GNB4: variants seen among roughly 807,000 people sequenced by gnomAD.
GNB4 encodes guanine nucleotide-binding protein subunit beta-4.
Under a neutral mutation model 45.2 loss-of-function variants are expected in GNB4, and 28 were observed. The ratio of observed to expected loss-of-function variants is 0.62; its 90% confidence interval spans 0.46 to 0.85. The LOEUF is 0.85. Among genes scored for constraint, GNB4 ranks in the 40% least tolerant of loss-of-function variants. The pLI is 0.00. For synonymous variants in GNB4, 132 were observed against 143.7 expected, an observed-to-expected ratio of 0.92 and a Z score of 0.58; for missense variants, 321 against 425.4, an observed-to-expected ratio of 0.75 and a Z score of 2.16.
At chr3:179,403,983 A>G (rs1714387953) in intron 9 of GNB4, among the ~76,000 whole-genome samples, 1 of 152,130 alleles carries the variant, frequency 6.6e-6, no homozygotes. Flanking sequence ...CCTGTTCTAT[A>G]GGGTAATGAG....
the GNB4 span, among the ~76,000 whole-genome samples, chr3:179,474,233 C>CT: frequency 1.1e-4 from 16 of 148,484 alleles, no homozygotes; most frequent in Admixed American, 5.4e-4. Context: ...GTCACATATT[C>CT]TTTTTTTTTT....
At chr3:179,454,341 A>G (rs1213828326), upstream of GNB4, among the ~76,000 whole-genome samples, 1 of 152,240 alleles carries the variant, frequency 6.6e-6, no homozygotes, top group African/African-American at 2.4e-5. Flanking sequence ...TAGGTACTCC[A>G]CGAACAAATA....
chr3:179,495,639 CAGGG>C, the GNB4 span, among the ~76,000 whole-genome samples: 3 of 137,790 alleles, frequency 2.2e-5, no homozygotes, highest in Admixed American at 7.6e-5. Context: ...GGCAGGGAGG[CAGGG>C]AGGGAGGGAA....
At chr3:179,455,332 A>G (rs1344908988), upstream of GNB4, among the ~76,000 whole-genome samples, 3 of 152,240 alleles carry the variant, frequency 2.0e-5, no homozygotes, top group Admixed American at 2.0e-4. Flanking sequence ...GGAAAGGGAC[A>G]TGTCAAAGTG....
chr3:179,413,627 C>T lies in GNB4; in HGVS notation c.498-14G>A. 1 of 1,613,796 alleles carries T rather than the reference C, an allele frequency of 6.2e-7. No homozygotes were observed. The highest frequency in any genetic ancestry group is 8.5e-7 in the Non-Finnish European group (1 of 1,179,706). On this transcript the variant is annotated splice_polypyrimidine_tract_variant and intron_variant, in intron 7 of 9. Transcript: ENST00000232564. ...TCCCATAAAGCACTGTAATTAAAAA[C>T]AAAATTTCATGACAATTACTTCTTC...
chr3:179,511,085 G>A, the GNB4 span, among the ~76,000 whole-genome samples: 2 of 152,110 alleles, frequency 1.3e-5, no homozygotes, highest in African/African-American at 2.4e-5. Flanking sequence ...CAGTTGGGAC[G>A]GTGGAGGCTC....
intron 1 of GNB4, among the ~76,000 whole-genome samples, chr3:179,438,933 C>A (rs914593029): frequency 6.6e-6 from 1 of 152,170 alleles, no homozygotes; most frequent in Non-Finnish European, 1.5e-5. Flanking sequence ...CACCCTAAGG[C>A]CTTGACTCTT....
At chr3:179,402,471 C>T (rs1387016012) in intron 9 of GNB4, among the ~76,000 whole-genome samples, 7 of 152,140 alleles carry the variant, frequency 4.6e-5, no homozygotes, top group Admixed American at 4.6e-4. Context: ...AACTGCAAAC[C>T]ATGCAGTCTC....
At chr3:179,460,410 C>A in the GNB4 span, among the ~76,000 whole-genome samples, 14 of 152,162 alleles carry the variant, frequency 9.2e-5, no homozygotes, top group African/African-American at 3.1e-4. Context: ...TCTGTAGAGA[C>A]TGACCCTAGG....
chr3:179,403,488 T>A (rs903197028), intron 9 of GNB4, among the ~76,000 whole-genome samples: 4 of 151,434 alleles, frequency 2.6e-5, no homozygotes, highest in Non-Finnish European at 2.9e-5. Flanking sequence ...AGATGGAAAA[T>A]AAAAAATATA....
the GNB4 span, among the ~76,000 whole-genome samples, chr3:179,512,593 C>G: frequency 6.6e-6 from 1 of 152,198 alleles, no homozygotes; most frequent in African/African-American, 2.4e-5. Context: ...TGCTTCTCTC[C>G]CAGAGGACAA....
intron 2 of GNB4, among the ~76,000 whole-genome samples, chr3:179,425,539 C>T (rs1715117200): frequency 6.6e-6 from 1 of 152,296 alleles, no homozygotes; most frequent in South Asian, 2.1e-4. Context: ...GGCGTGAGTT[C>T]AGCTCGTTGC....
chr3:179,452,810 T>G (rs1037704508), upstream of GNB4, among the ~76,000 whole-genome samples: 1 of 152,206 alleles, frequency 6.6e-6, no homozygotes, highest in African/African-American at 2.4e-5. Flanking sequence ...ATTCTGCATA[T>G]CAAAGTGTCA....
chr3:179,469,649 C>G, the GNB4 span, among the ~76,000 whole-genome samples: 1 of 152,056 alleles, frequency 6.6e-6, no homozygotes. Flanking sequence ...AATTTATAAG[C>G]ACATTAAAGC....
intron 8 of GNB4, among the ~76,000 whole-genome samples, chr3:179,406,537 T>A (rs928422315): frequency 6.6e-6 from 1 of 152,196 alleles, no homozygotes; most frequent in Admixed American, 6.5e-5. Flanking sequence ...CTAGGTAATC[T>A]GCGTTTTCAT....
At chr3:179,401,642 A>G (rs1483752094) in intron 9 of GNB4, among the ~76,000 whole-genome samples, 15 of 152,206 alleles carry the variant, frequency 9.9e-5, no homozygotes, top group Non-Finnish European at 1.8e-4. Context: ...CACATCTCTA[A>G]TAAGTTCTCG....
the GNB4 span, among the ~76,000 whole-genome samples, chr3:179,502,867 C>T: frequency 3.9e-5 from 6 of 151,972 alleles, no homozygotes; most frequent in Non-Finnish European, 7.4e-5. Flanking sequence ...AGAGATAGAG[C>T]CTTGCTCTGT....
chr3:179,453,864 A>C (rs76594308), upstream of GNB4, among the ~76,000 whole-genome samples: 1 of 151,942 alleles, frequency 6.6e-6, no homozygotes, highest in African/African-American at 2.4e-5. Context: ...AAAAAAAAAA[A>C]CTTACTTGTT....
At chr3:179,432,332 C>T (rs1715330994) in intron 1 of GNB4, among the ~76,000 whole-genome samples, 1 of 152,024 alleles carries the variant, frequency 6.6e-6, no homozygotes, top group African/African-American at 2.4e-5. Context: ...ACTAACTTTT[C>T]ACTCTTTAAA....
Sources: allele counts gnomAD v4.1 joint callset (sites outside exome capture counted in the v4.1 genomes callset), GRCh38; gene constraint gnomAD v4.1.1; transcripts MANE v1.5; gene names NCBI Gene and HGNC (gene_info 2026-07-23, HGNC 2026-07-21).